Variants in SDF4 observed in about 807,000 individuals in gnomAD.
SDF4 encodes stromal cell derived factor 4.
A neutral mutation model predicts 34.2 loss-of-function variants in SDF4; 22 were observed. That is an observed-to-expected ratio of 0.64 (90% confidence interval 0.46 to 0.92). The LOEUF is 0.92. Ranked by LOEUF, SDF4 falls within the 40% of genes least tolerant of loss-of-function variation. SDF4 has a pLI of 0.00. For synonymous variants in SDF4, 236 were observed against 203.1 expected (o/e 1.16, Z -1.38); for missense variants, 447 against 499.9 (o/e 0.89, Z 1.01).
chr1:1,220,029 T>C, intron 4 of SDF4: 1 of 985,662 alleles, frequency 1.0e-6, no homozygotes. Context: ...GCTCCTGGGA[T>C]GGATGGACGG....
intron 4 of SDF4, chr1:1,220,179 C>T: frequency 1.0e-6 from 1 of 991,234 alleles, no homozygotes; most frequent in Non-Finnish European, 1.2e-6. Context: ...CCTTGAGTCC[C>T]AGTCCCTCCC....
Position 1,228,187 on chromosome 1 carries a change from G to A in SDF4, c.305+281C>T, listed in dbSNP as rs184183582. ...AGGACGCTGACCACTGCAGTGCCGCGTGGGCTCCTCCAGGCTGTCCTAGGG... is the reference window on the plus strand; with the variant it reads ...AGGACGCTGACCACTGCAGTGCCGCATGGGCTCCTCCAGGCTGTCCTAGGG... On this transcript the variant is annotated intron_variant, in intron 2 of 6. Coordinates refer to ENST00000360001, the MANE Select transcript of SDF4 (RefSeq NM_016176.6). Among the ~76,000 whole-genome samples the A allele has an allele frequency of 2.4e-3, 367 of 152,364 alleles. 1 individual carries two copies. The highest frequency in any genetic ancestry group is 8.1e-3 in the African/African-American group (337 of 41,590).
Position 1,223,817 on chromosome 1 carries a change from G to T in SDF4, c.442+15C>A. On this transcript the variant is annotated intron_variant, in intron 3 of 6. Transcript: ENST00000360001. ...CCCGCCCACCGCCCCACCCACCCCG[G>T]CCCAGCCACAGTACCGTCCCCGTCA... The T allele has an allele frequency of 8.5e-6, 2 of 236,024 alleles. No individual in the cohort carries two copies. The highest frequency in any genetic ancestry group is 1.4e-5 in the Non-Finnish European group (2 of 142,554). The allele number at this position is 236,024 out of a possible 1,614,324, so 14.6% of individuals were successfully genotyped here. A position where few individuals can be genotyped will look rare whatever the true frequency, so the allele number is the denominator to read the frequency against.
chr1:1,226,435 A>G (rs752391711), intron 2 of SDF4, among the ~76,000 whole-genome samples: 1 of 152,184 alleles, frequency 6.6e-6, no homozygotes, highest in Non-Finnish European at 1.5e-5. Context: ...CCACAAGCCC[A>G]AACTGAGGGA....
At chr1:1,223,387 C>T (rs200992977) in intron 3 of SDF4, 30 bp from the exon 4 acceptor site, 67 of 1,457,778 alleles carry the variant, frequency 4.6e-5, no homozygotes, top group Admixed American at 2.4e-4. Context: ...CTGTCAGGGC[C>T]TCTGATACTG....
In SDF4 at chr1:1,223,350, C is replaced by A; in HGVS notation, c.450G>T (p.Val150=). The A allele has an allele frequency of 6.2e-7, 1 of 1,609,432 alleles. No homozygotes were observed. Among genetic ancestry groups the A allele is most frequent in the Admixed American group, 1.7e-5 (1 of 59,744 alleles). The change falls in exon 4 of 7, where the codon GTG becomes GTT. Residue 150 remains valine, a synonymous_variant. Transcript: ENST00000360001. The part of the protein sequence containing the change: ...RAVDPDGDGH[V]SWDEYKVKFL... ...ACTTCACCTTATACTCGTCCCAAGACACGTGACCTGGAAGAGCAGATCACA... is the reference window on the plus strand; with the variant it reads ...ACTTCACCTTATACTCGTCCCAAGAAACGTGACCTGGAAGAGCAGATCACA...
intron 1 of SDF4, among the ~76,000 whole-genome samples, chr1:1,231,151 G>A (rs1187161156): frequency 6.6e-6 from 1 of 152,228 alleles, no homozygotes; most frequent in Non-Finnish European, 1.5e-5. Flanking sequence ...AGTCCATCAA[G>A]TGGCGCTTCC....
intron 2 of SDF4, among the ~76,000 whole-genome samples, chr1:1,224,396 C>T (rs912325613): frequency 6.6e-6 from 1 of 152,256 alleles, no homozygotes; most frequent in Non-Finnish European, 1.5e-5. Context: ...TCTACTGCCT[C>T]AGCCTCCCGA....
chr1:1,220,755 G>A (rs1342708424), intron 4 of SDF4: 1 of 1,289,030 alleles, frequency 7.8e-7, no homozygotes, highest in African/African-American at 1.5e-5. Flanking sequence ...CCCAAATAAA[G>A]TGGCACCAAG....
intron 4 of SDF4, 175 bp downstream of exon 4, chr1:1,223,069 G>A (rs1471205469): frequency 9.9e-6 from 6 of 606,406 alleles, no homozygotes; most frequent in South Asian, 5.7e-5. Flanking sequence ...ATGCACACAC[G>A]TACTCACGAG....
At position 1,223,251 on chromosome 1, in the gene SDF4, A is replaced by C; in HGVS notation, c.549T>G (p.Asp183Glu). 1 of 1,612,602 alleles carries C rather than the reference A, an allele frequency of 6.2e-7. No individual in the cohort carries two copies. Residue 183 changes from aspartate to glutamate, a missense_variant, in exon 4 of 7, where the codon GAT (aspartate) becomes GAG (glutamate). By Grantham distance (45) the Asp-to-Glu change is conservative. Transcript: ENST00000360001. ...AIRLNEELKV[D>E]EETQEVLENL... ...GCCTGGCTGAGCACTCACTTTCCTC[A>C]TCCACTTTGAGTTCCTCGTTGAGCC...
In SDF4 at chr1:1,217,434, G is replaced by A; in HGVS notation, c.*78C>T. The A allele has an allele frequency of 8.0e-7, 1 of 1,257,638 alleles. No individual in the cohort carries two copies. Among genetic ancestry groups the A allele is most frequent in the South Asian group, 1.9e-5 (1 of 53,088 alleles). The allele number at this position is 1,257,638 out of a possible 1,614,324, so 77.9% of individuals were successfully genotyped here. A position where few individuals can be genotyped will look rare whatever the true frequency, so the allele number is the denominator to read the frequency against. On this transcript the variant is annotated 3_prime_UTR_variant, in exon 7 of 7. Coordinates refer to ENST00000360001, the MANE Select transcript of SDF4 (RefSeq NM_016176.6). This position sits in a 1 kb window ranked among gnomAD's most constrained non-coding sequence, Gnocchi z 8.5. ...GCGGCAGGGAAGAGGTGGGGTCCGG[G>A]ACAGCCACGGAGCCCGGAGTCACCC...
rs1638401221 is a variant in SDF4 at position 1,228,897 on chromosome 1, G to GGCTC, written c.-129_-126dup. ...AATCCAATCCCCGGGCACCACGGAG[G>GGCTC]GCTCTGTGTCCCCAGGACGGCCGCA... On this transcript the variant is annotated 5_prime_UTR_variant, in exon 2 of 7. Transcript: ENST00000360001. The GGCTC allele has an allele frequency of 1.1e-6, 1 of 885,108 alleles. No homozygotes were observed. Among genetic ancestry groups the GGCTC allele is most frequent in the South Asian group, 1.7e-5 (1 of 58,406 alleles). 54.8% of individuals were successfully genotyped at this position (885,108 alleles called of 1,614,324 possible).
At chr1:1,224,862 GT>G (rs2100979280) in intron 2 of SDF4, among the ~76,000 whole-genome samples, 1 of 152,336 alleles carries the variant, frequency 6.6e-6, no homozygotes. Flanking sequence ...GCAGTGAACT[GT>G]GATCACACCA....
At chr1:1,223,065 A>G (rs895950198) in intron 4 of SDF4, 179 bp downstream of exon 4, 17 of 606,644 alleles carry the variant, frequency 2.8e-5, no homozygotes, top group African/African-American at 1.3e-4. Flanking sequence ...CAACATGCAC[A>G]CACGTACTCA....
chr1:1,228,647 G>A lies in SDF4; in HGVS notation c.126C>T (p.Ala42=), dbSNP rs12756278. 2.4e-5 allele frequency: 38 copies of A among 1,613,112 alleles called. No individual in the cohort carries two copies. Among genetic ancestry groups the A allele is most frequent in the Admixed American group, 1.3e-4 (8 of 60,002 alleles). The change falls in exon 2 of 7, where the codon GCC becomes GCT. Residue 42 remains alanine (A), a synonymous_variant. Coordinates refer to ENST00000360001, the MANE Select transcript of SDF4 (RefSeq NM_016176.6). ...ANHSSTRERV[A]NREENEILPP... is the part of the protein sequence containing the mutation. ...GCAGGATCTCATTCTCCTCCCTGTT[G>A]GCTACTCTCTCTCGAGTGGACGAGT...
intron 4 of SDF4, chr1:1,219,286 A>AC (rs1358817808): frequency 8.7e-7 from 1 of 1,155,052 alleles, no homozygotes; most frequent in East Asian, 6.8e-5. Flanking sequence ...CATGGCCTGG[A>AC]CCCCCCACAC....
At position 1,218,689 on chromosome 1, in the gene SDF4, C is replaced by A. The variant is rs1233135523; in HGVS notation, c.716-56G>T. 2 of 1,611,724 alleles carry A rather than the reference C, an allele frequency of 1.2e-6. No homozygotes were observed. The highest frequency in any genetic ancestry group is 2.7e-5 in the African/African-American group (2 of 74,890). On this transcript the variant is annotated intron_variant, in intron 5 of 6. Coordinates refer to ENST00000360001, the MANE Select transcript of SDF4 (RefSeq NM_016176.6). The surrounding 1 kb of genome is among the most constrained non-coding windows in gnomAD (Gnocchi z 7.9). ...CAGGCTGGGGCTCCCGCAGGACCTG[C>A]CCCGACCTCCCGACGATGCCCGGCC...
chr1:1,223,233 T>C lies in SDF4; in HGVS notation c.556+11A>G. The C allele has an allele frequency of 6.3e-7, 1 of 1,594,286 alleles. No homozygotes were observed. Among genetic ancestry groups the C allele is most frequent in the East Asian group, 2.2e-5 (1 of 44,778 alleles). ...CTGAGACCGGTGGCGGGAGCCTGGC[T>C]GAGCACTCACTTTCCTCATCCACTT... On this transcript the variant is annotated intron_variant, in intron 4 of 6. Coordinates refer to ENST00000360001, the MANE Select transcript of SDF4 (RefSeq NM_016176.6).
Sources: allele counts gnomAD v4.1 joint callset (sites outside exome capture counted in the v4.1 genomes callset), GRCh38; gene constraint gnomAD v4.1.1; non-coding constraint Gnocchi (gnomAD v3.1); transcripts MANE v1.5; gene names NCBI Gene and HGNC (gene_info 2026-07-23, HGNC 2026-07-21).